The following LRRC8C variants were observed in gnomAD, a reference collection of about 807,000 sequenced individuals.
The protein encoded by LRRC8C is leucine rich repeat containing 8 VRAC subunit C.
A neutral mutation model predicts 55.3 loss-of-function variants in LRRC8C; 20 were observed. That is an observed-to-expected ratio of 0.36 (90% CI 0.25 to 0.53). The LOEUF is 0.53. Among genes scored for constraint, LRRC8C ranks in the 20% least tolerant of loss-of-function variants. LRRC8C has a pLI of 0.92. For synonymous variants in LRRC8C, 376 were observed against 360.7 expected, an observed-to-expected ratio of 1.04 and a Z score of -0.48; for missense variants, 659 against 951.4, an observed-to-expected ratio of 0.69 and a Z score of 4.04.
At chr1:89,703,340 A>G (rs1658383773) in intron 2 of LRRC8C, among the ~76,000 whole-genome samples, 1 of 152,152 alleles carries the variant, frequency 6.6e-6, no homozygotes. Context: ...TAACTTACCA[A>G]ATAGTTACTG....
At chr1:89,641,525 A>G (rs1403350462) in intron 1 of LRRC8C, among the ~76,000 whole-genome samples, 1 of 152,186 alleles carries the variant, frequency 6.6e-6, no homozygotes, top group Admixed American at 6.5e-5. Context: ...TCTACTTCAC[A>G]AATAGGTTCT....
At chr1:89,646,968 T>G (rs1656630070) in intron 1 of LRRC8C, among the ~76,000 whole-genome samples, 1 of 152,196 alleles carries the variant, frequency 6.6e-6, no homozygotes, top group Admixed American at 6.5e-5. Context: ...AATCACCATG[T>G]CAATCAGCCC....
chr1:89,709,216 TAGGCTGGAAAGAAAAGACAGGTTTA>T (rs1658575617), intron 2 of LRRC8C, among the ~76,000 whole-genome samples: 2 of 152,204 alleles, frequency 1.3e-5, no homozygotes, highest in Admixed American at 1.3e-4. Context: ...GGAAGAACAC[TAGGCTGGAAAGAAAAGACAGGTTTA>T]AATTCCTGTT....
intron 1 of LRRC8C, among the ~76,000 whole-genome samples, chr1:89,665,240 C>T (rs1167092663): frequency 5.9e-5 from 9 of 152,078 alleles, no homozygotes; most frequent in Admixed American, 4.6e-4. Flanking sequence ...AGCTTTTGCC[C>T]GTTCATTATG....
At chr1:89,669,637 A>G (rs1570711086) in intron 1 of LRRC8C, among the ~76,000 whole-genome samples, 2 of 152,272 alleles carry the variant, frequency 1.3e-5, no homozygotes, top group Admixed American at 1.3e-4. Context: ...CCCATTCTCA[A>G]GATGAGAAAA....
At chr1:89,702,029 C>T (rs1658344332) in intron 2 of LRRC8C, among the ~76,000 whole-genome samples, 3 of 152,148 alleles carry the variant, frequency 2.0e-5, no homozygotes, top group East Asian at 1.9e-4. Flanking sequence ...AAAAATATAG[C>T]GATTAACTGG....
At chr1:89,621,297 A>T in the LRRC8C span, among the ~76,000 whole-genome samples, 1 of 25,374 alleles carries the variant, frequency 3.9e-5, no homozygotes, top group Non-Finnish European at 6.9e-5. Context: ...CGTCTCTACT[A>T]AAAAAAAAAA....
At chr1:89,626,543 A>G in the LRRC8C span, 1 of 152,340 alleles carries the variant, frequency 6.6e-6, no homozygotes, top group Admixed American at 6.5e-5. Context: ...AAAGGTTCCC[A>G]TAACTCCTCC....
intron 2 of LRRC8C, among the ~76,000 whole-genome samples, chr1:89,696,320 C>G (rs1658169432): frequency 6.6e-6 from 1 of 152,142 alleles, no homozygotes; most frequent in Non-Finnish European, 1.5e-5. Flanking sequence ...CTTTCTTTGC[C>G]TAAGCTCTGA....
chr1:89,699,863 A>T (rs1205331610), intron 2 of LRRC8C, among the ~76,000 whole-genome samples: 3 of 152,132 alleles, frequency 2.0e-5, no homozygotes, highest in Non-Finnish European at 4.4e-5. Flanking sequence ...GTTCCTTTTC[A>T]TTCTCATTCT....
At chr1:89,637,771 G>A (rs779203417) in intron 1 of LRRC8C, among the ~76,000 whole-genome samples, 1 of 152,146 alleles carries the variant, frequency 6.6e-6, no homozygotes, top group Admixed American at 6.5e-5. Flanking sequence ...ATGATTACAA[G>A]ATAGAAAATG....
intron 1 of LRRC8C, among the ~76,000 whole-genome samples, chr1:89,674,237 C>A (rs12119160): frequency 6.6e-6 from 1 of 152,048 alleles, no homozygotes; most frequent in Admixed American, 6.5e-5. Flanking sequence ...TATAGATGTT[C>A]GGCACAATGT....
At chr1:89,647,418 G>A (rs1656646352) in intron 1 of LRRC8C, among the ~76,000 whole-genome samples, 1 of 152,200 alleles carries the variant, frequency 6.6e-6, no homozygotes, top group African/African-American at 2.4e-5. Context: ...ACTAATAACT[G>A]TATCAGAAAG....
chr1:89,686,642 G>C, intron 2 of LRRC8C, 31 bp downstream of exon 2: 2 of 1,612,062 alleles, frequency 1.2e-6, no homozygotes, highest in Non-Finnish European at 1.7e-6. Flanking sequence ...CAAAATGGGG[G>C]CCAGAGCAAA....
At chr1:89,651,644 T>A (rs1485831466) in intron 1 of LRRC8C, among the ~76,000 whole-genome samples, 1 of 151,734 alleles carries the variant, frequency 6.6e-6, no homozygotes. Flanking sequence ...TTCCCTCCCT[T>A]TATAGGAAAA....
In LRRC8C at chr1:89,714,891, G is replaced by C; in HGVS notation, c.2321G>C (p.Cys774Ser). 3.1e-6 allele frequency: 5 copies of C among 1,614,120 alleles called. No individual in the cohort carries two copies. Among genetic ancestry groups the C allele is most frequent in the Non-Finnish European group, 4.2e-6 (5 of 1,179,996 alleles). The change falls in exon 3 of 3, where the codon TGT becomes TCT. Residue 774 changes from cysteine to serine, a missense_variant. Physicochemically the swap from Cys to Ser is moderately radical, Grantham distance 112 (BLOSUM62 -1). This residue lies in a region of LRRC8C where 344 missense variants were observed against 464.6 expected (regional missense o/e 0.74). Coordinates refer to ENST00000370454, the MANE Select transcript of LRRC8C (RefSeq NM_032270.5). This position sits in a 1 kb window ranked among gnomAD's most constrained non-coding sequence, Gnocchi z 4.6. The stretch of plus-strand genomic sequence containing the variant: ...ATCCTCCCTCCTGAACTGGGTGACT[G>C]TCGGGCTCTGAAGCGAGCTGGTTTA... ...FEILPPELGD[C>S]RALKRAGLVV...
intron 1 of LRRC8C, among the ~76,000 whole-genome samples, chr1:89,642,771 C>T (rs547785989): frequency 6.6e-6 from 1 of 151,908 alleles, no homozygotes; most frequent in Non-Finnish European, 1.5e-5. Flanking sequence ...TGCTTAAACC[C>T]GGGAGGTGGA....
chr1:89,691,102 T>G (rs1023849448), intron 2 of LRRC8C, among the ~76,000 whole-genome samples: 2 of 152,158 alleles, frequency 1.3e-5, no homozygotes, highest in African/African-American at 4.8e-5. Context: ...AGACACTCTG[T>G]GGGGTGTTAG....
chr1:89,661,804 A>G (rs1397241237), intron 1 of LRRC8C, among the ~76,000 whole-genome samples: 1 of 152,150 alleles, frequency 6.6e-6, no homozygotes, highest in African/African-American at 2.4e-5. Flanking sequence ...AGGGAGTGCT[A>G]TGGCTGAGAT....
Sources: gnomAD v4.1 joint callset for allele counts (sites outside exome capture counted in the v4.1 genomes callset) on GRCh38, gnomAD v4.1.1 for gene constraint, gnomAD v4.1.1 regional missense constraint, Gnocchi (gnomAD v3.1) non-coding constraint, MANE v1.5 for transcripts, NCBI Gene and HGNC (gene_info 2026-07-23, HGNC 2026-07-21) for gene names.